CNTN5: variants seen among roughly 807,000 people sequenced by gnomAD.
The protein encoded by CNTN5 is contactin 5.
CNTN5 carries 77 observed loss-of-function variants against 129.1 expected under a neutral mutation model. The ratio of observed to expected loss-of-function variants is 0.60; its 90% CI spans 0.50 to 0.72. The LOEUF (loss-of-function observed/expected upper bound fraction) is 0.72, where lower values mean the gene tolerates loss of function less well. CNTN5 is among the 30% of genes least tolerant of loss of function. The pLI is 0.00. For synonymous variants in CNTN5, 509 were observed against 465.6 expected, an observed-to-expected ratio of 1.09 and a Z score of -1.20; for missense variants, 1,478 against 1,328.8, an observed-to-expected ratio of 1.11 and a Z score of -1.75.
intron 3 of CNTN5, among the ~76,000 whole-genome samples, chr11:99,791,495 C>T (rs1020239408): frequency 6.6e-6 from 1 of 151,890 alleles, no homozygotes; most frequent in South Asian, 2.1e-4. Context: ...TTCTTCTATT[C>T]ATCTATGTGT....
At chr11:100,132,777 T>C (rs2138215453) in intron 13 of CNTN5, among the ~76,000 whole-genome samples, 1 of 152,264 alleles carries the variant, frequency 6.6e-6, no homozygotes, top group African/African-American at 2.4e-5. Flanking sequence ...CCAAAGGTTC[T>C]AATAATCAAG....
chr11:99,209,240 T>C (rs1035872057), intron 1 of CNTN5, among the ~76,000 whole-genome samples: 13 of 152,104 alleles, frequency 8.5e-5, no homozygotes, highest in Non-Finnish European at 1.9e-4. Flanking sequence ...AGGCCATTCT[T>C]GCCTTGCTCT....
chr11:99,934,212 C>T (rs957567267), intron 7 of CNTN5, among the ~76,000 whole-genome samples: 1 of 152,152 alleles, frequency 6.6e-6, no homozygotes, highest in African/African-American at 2.4e-5. Flanking sequence ...ATTAGTCATA[C>T]AGATGCCATT....
At chr11:99,756,869 C>T (rs1295473859) in intron 3 of CNTN5, among the ~76,000 whole-genome samples, 4 of 149,022 alleles carry the variant, frequency 2.7e-5, no homozygotes, top group Admixed American at 6.7e-5. Context: ...TTAAAAAATT[C>T]TAAAACTTAA....
At chr11:100,030,776 C>A (rs1941666658) in intron 9 of CNTN5, among the ~76,000 whole-genome samples, 1 of 152,140 alleles carries the variant, frequency 6.6e-6, no homozygotes, top group Admixed American at 6.5e-5. Flanking sequence ...ACTTCTTAGG[C>A]TTCTGTGAAA....
At chr11:100,157,310 TATATCATGATAAGAGCA>T (rs1947280644) in intron 13 of CNTN5, among the ~76,000 whole-genome samples, 1 of 152,040 alleles carries the variant, frequency 6.6e-6, no homozygotes, top group South Asian at 2.1e-4. Flanking sequence ...GTTGTAGTTT[TATATCATGATAAGAGCA>T]AATAGTTGCA....
chr11:99,498,129 C>A lies in CNTN5; in HGVS notation c.-70-58016C>A, dbSNP rs548067108. 3.9e-5 allele frequency among the ~76,000 whole-genome samples: 6 copies of A among 152,232 alleles called. No homozygotes were observed. The South Asian group carries it at 1.0e-3, about 26-fold the overall frequency. ...TACAGTGAGTTTAGAGGCTGAGAGA[C>A]AATAGGTTACATTTTCCATGTCTTT... On this transcript the variant is annotated intron_variant, in intron 2 of 24. Transcript: ENST00000524871.
At chr11:99,592,354 T>C (rs762043510) in intron 3 of CNTN5, among the ~76,000 whole-genome samples, 15 of 152,060 alleles carry the variant, frequency 9.9e-5, no homozygotes, top group African/African-American at 1.4e-4. Context: ...AGATAAAAAC[T>C]CAAGAACAAG....
At chr11:99,537,291 A>G (rs1014975581) in intron 2 of CNTN5, among the ~76,000 whole-genome samples, 3 of 152,306 alleles carry the variant, frequency 2.0e-5, no homozygotes, top group African/African-American at 7.2e-5. Context: ...TACAGAATAC[A>G]TATCCTCATT....
intron 1 of CNTN5, among the ~76,000 whole-genome samples, chr11:99,053,916 T>C (rs1375553395): frequency 6.6e-6 from 1 of 152,014 alleles, no homozygotes; most frequent in African/African-American, 2.4e-5. Context: ...CAAAATAATA[T>C]ATCAATCAAA....
At chr11:100,004,130 G>GCAAGCACA (rs754493940) in intron 9 of CNTN5, among the ~76,000 whole-genome samples, 3 of 152,148 alleles carry the variant, frequency 2.0e-5, no homozygotes, top group Admixed American at 6.5e-5. Flanking sequence ...TCTTACTTCA[G>GCAAGCACA]CAAGCACATG....
At chr11:99,561,993 A>C (rs1320153993) in intron 3 of CNTN5, among the ~76,000 whole-genome samples, 1 of 152,082 alleles carries the variant, frequency 6.6e-6, no homozygotes, top group Non-Finnish European at 1.5e-5. Context: ...AGTTATTTTG[A>C]GTTGGTTATT....
At chr11:100,063,524 G>C (rs1441645955) in intron 10 of CNTN5, among the ~76,000 whole-genome samples, 2 of 151,952 alleles carry the variant, frequency 1.3e-5, no homozygotes, top group African/African-American at 4.8e-5. Context: ...CTTTCTACCA[G>C]GCTCCATCAG....
intron 3 of CNTN5, among the ~76,000 whole-genome samples, chr11:99,697,316 GGAGA>G (rs1162972866): frequency 6.6e-6 from 1 of 150,474 alleles, no homozygotes. Context: ...AAAAAGAGGG[GGAGA>G]GAGAGAGAGA....
At chr11:100,015,936 A>C (rs1940798521) in intron 9 of CNTN5, among the ~76,000 whole-genome samples, 1 of 152,088 alleles carries the variant, frequency 6.6e-6, no homozygotes, top group African/African-American at 2.4e-5. Flanking sequence ...ACTTAATTCC[A>C]TTCATTCTAG....
At chr11:99,881,861 A>G (rs1166397561) in intron 6 of CNTN5, among the ~76,000 whole-genome samples, 1 of 152,208 alleles carries the variant, frequency 6.6e-6, no homozygotes, top group Non-Finnish European at 1.5e-5. Flanking sequence ...ATTGTCTGAT[A>G]ACATTCTATA....
intron 1 of CNTN5, among the ~76,000 whole-genome samples, chr11:99,153,815 C>CTTTTTTTTTTTTTT (rs60782977): frequency 1.9e-5 from 2 of 103,344 alleles, no homozygotes; most frequent in East Asian, 6.1e-4. Context: ...CTTTGAATGG[C>CTTTTTTTTTTTTTT]TTTTTTTTTT....
At chr11:99,286,658 C>T (rs1003264832) in intron 1 of CNTN5, among the ~76,000 whole-genome samples, 1 of 151,922 alleles carries the variant, frequency 6.6e-6, no homozygotes, top group Non-Finnish European at 1.5e-5. Flanking sequence ...GTTTACAAAC[C>T]TTTGCTACAA....
At chr11:99,339,125 TACA>T (rs909222021) in intron 2 of CNTN5, among the ~76,000 whole-genome samples, 3 of 151,558 alleles carry the variant, frequency 2.0e-5, no homozygotes, top group African/African-American at 7.3e-5. Flanking sequence ...ATGCCTATAT[TACA>T]ACATCTTATG....
Sources: gnomAD v4.1 joint callset for allele counts (sites outside exome capture counted in the v4.1 genomes callset) on GRCh38, gnomAD v4.1.1 for gene constraint, MANE v1.5 for transcripts, NCBI Gene and HGNC (gene_info 2026-07-23, HGNC 2026-07-21) for gene names.